The following RNF2 variants were observed in gnomAD, a reference collection of about 807,000 sequenced individuals.
The protein encoded by RNF2 is ring finger protein 2, also known as E3 ubiquitin-protein ligase RING2.
A neutral mutation model predicts 37.2 loss-of-function variants in RNF2; 6 were observed. The ratio of observed to expected loss-of-function variants is 0.16; its 90% CI spans 0.09 to 0.32. RNF2 has a LOEUF of 0.32. RNF2 is among the 10% of genes least tolerant of loss of function. The pLI, the probability that RNF2 is intolerant of heterozygous loss-of-function variation, is 1.00. For synonymous variants in RNF2, 133 were observed against 132.7 expected, an observed-to-expected ratio of 1.00 and a Z score of -0.02; for missense variants, 251 against 404.0, an observed-to-expected ratio of 0.62 and a Z score of 3.25.
intron 1 of RNF2, among the ~76,000 whole-genome samples, chr1:185,085,373 T>G (rs1208643830): frequency 6.6e-6 from 1 of 151,938 alleles, no homozygotes; most frequent in African/African-American, 2.4e-5. Context: ...CCTGACTTCA[T>G]GATCCGCCTG....
rs1212380479 is a variant in RNF2, at chr1:185,102,013, T to A, written c.*1712T>A. 5 of 152,560 alleles carry A rather than the reference T, an allele frequency of 3.3e-5. No individual in the cohort carries two copies. The highest frequency in any genetic ancestry group is 4.8e-5 in the African/African-American group (2 of 41,430). The allele number at this position is 152,560 out of a possible 1,614,324, so 9.5% of individuals were successfully genotyped here. A position where few individuals can be genotyped will look rare whatever the true frequency, so the allele number is the denominator to read the frequency against. On this transcript the variant is annotated 3_prime_UTR_variant, in exon 7 of 7. Coordinates refer to ENST00000367510, the MANE Select transcript of RNF2 (RefSeq NM_007212.4). ...GATAAAACTGCTTAGATTTTGTTGA[T>A]GACATTAGATTAGTAGTTGCATTAA...
At chr1:185,088,568 A>AT (rs398074482) in intron 2 of RNF2, among the ~76,000 whole-genome samples, 3 of 152,008 alleles carry the variant, frequency 2.0e-5, no homozygotes, top group Non-Finnish European at 4.4e-5. Flanking sequence ...AAAAAAAAAA[A>AT]AGCTAAAGGA....
chr1:185,069,661 A>G (rs148524493), intron 1 of RNF2, among the ~76,000 whole-genome samples: 5 of 152,260 alleles, frequency 3.3e-5, no homozygotes, highest in Non-Finnish European at 5.9e-5. Flanking sequence ...CAGTGTGCCT[A>G]GCCTATAATA....
In RNF2 at chr1:185,059,609, CATT is replaced by C. The variant is rs754565170; in HGVS notation, c.-3+13964_-3+13966del. Among the ~76,000 whole-genome samples, 321 of 152,250 alleles carry C rather than the reference CATT, an allele frequency of 2.1e-3. 1 individual carries two copies. The highest frequency in any genetic ancestry group is 3.2e-3 in the Non-Finnish European group (219 of 68,018). On this transcript the variant is annotated intron_variant, in intron 1 of 6. Coordinates refer to ENST00000367510, the MANE Select transcript of RNF2 (RefSeq NM_007212.4). ...GCAGCAGACATCTTCATGTTAATGG[CATT>C]ATTGTTGTAGTAGCAGTAGTAATAA...
At chr1:185,054,085 A>G (rs1650355820) in intron 1 of RNF2, among the ~76,000 whole-genome samples, 2 of 152,150 alleles carry the variant, frequency 1.3e-5, no homozygotes, top group Non-Finnish European at 2.9e-5. Context: ...CTTATTCTTT[A>G]TAACTAGTGT....
At chr1:185,068,833 G>T (rs1419819630) in intron 1 of RNF2, among the ~76,000 whole-genome samples, 2 of 152,140 alleles carry the variant, frequency 1.3e-5, no homozygotes, top group African/African-American at 2.4e-5. Flanking sequence ...TCCTTTTGGG[G>T]AGTATAATTT....
At chr1:185,049,598 G>A (rs1339318630) in intron 1 of RNF2, among the ~76,000 whole-genome samples, 2 of 149,802 alleles carry the variant, frequency 1.3e-5, no homozygotes, top group African/African-American at 4.9e-5. Flanking sequence ...CTAGGGTACA[G>A]TAGAGAAAAC....
At chr1:185,081,007 GA>G (rs1212982085) in intron 1 of RNF2, among the ~76,000 whole-genome samples, 3 of 152,154 alleles carry the variant, frequency 2.0e-5, no homozygotes, top group Non-Finnish European at 4.4e-5. Context: ...AATTCCTCCT[GA>G]GTAGTTTTGG....
chr1:185,100,028 T>C, intron 6 of RNF2, 66 bp downstream of exon 6: 1 of 1,446,194 alleles, frequency 6.9e-7, no homozygotes, highest in Non-Finnish European at 9.6e-7. Flanking sequence ...GAGTGGCAAG[T>C]GGTGGGGTAG....
intron 1 of RNF2, among the ~76,000 whole-genome samples, chr1:185,048,834 CT>C (rs36086867): frequency 6.6e-6 from 1 of 151,984 alleles, no homozygotes; most frequent in Non-Finnish European, 1.5e-5. Flanking sequence ...TTCAGCTAAG[CT>C]TTGGTGTTGG....
Position 185,089,174 on chromosome 1 carries a change from C to T in RNF2, c.87+1534C>T, listed in dbSNP as rs148383570. Among the ~76,000 whole-genome samples, 17 of 152,204 alleles carry T rather than the reference C, an allele frequency of 1.1e-4. No homozygotes were observed. In the East Asian group the frequency reaches 2.5e-3, roughly 22 times the overall value. ...TGCATGTGCAGTTCTCAATAGGGTTCGGACTCTTACGAGAGTCTAATGCCA... is the reference window on the plus strand; with the variant it reads ...TGCATGTGCAGTTCTCAATAGGGTTTGGACTCTTACGAGAGTCTAATGCCA... On this transcript the variant is annotated intron_variant, in intron 2 of 6. Transcript: ENST00000367510.
In RNF2 at chr1:185,091,716, C is replaced by T. The variant is rs1177620796; in HGVS notation, c.225C>T (p.Cys75=). The T allele has an allele frequency of 1.2e-6, 2 of 1,614,012 alleles. No homozygotes were observed. The highest frequency in any genetic ancestry group is 1.1e-5 in the South Asian group (1 of 91,062). ...KECLHRFCAD[C]IITALRSGNK... Reference sequence around the variant, plus strand: ...GTTTACATCGTTTTTGTGCAGACTGCATCATCACAGCCCTTAGAAGTGGGT... The same window carrying T: ...GTTTACATCGTTTTTGTGCAGACTGTATCATCACAGCCCTTAGAAGTGGGT... Residue 75 remains cysteine (C), a synonymous_variant, in exon 3 of 7, where the codon TGC becomes TGT. Transcript: ENST00000367510.
At chr1:185,088,765 A>G (rs1472479267) in intron 2 of RNF2, among the ~76,000 whole-genome samples, 1 of 152,206 alleles carries the variant, frequency 6.6e-6, no homozygotes. Context: ...ACAAAGTTCC[A>G]AAAACCAAAA....
intron 1 of RNF2, among the ~76,000 whole-genome samples, chr1:185,048,451 C>T (rs1571288116): frequency 6.6e-6 from 1 of 152,244 alleles, no homozygotes; most frequent in Non-Finnish European, 1.5e-5. Flanking sequence ...TTACTTCTCC[C>T]ATTTCATTTT....
intron 1 of RNF2, among the ~76,000 whole-genome samples, chr1:185,062,730 A>G (rs1056258378): frequency 2.0e-5 from 3 of 152,084 alleles, no homozygotes; most frequent in Non-Finnish European, 4.4e-5. Flanking sequence ...CAAAAGGTCA[A>G]TTTCCTTAAA....
intron 1 of RNF2, among the ~76,000 whole-genome samples, chr1:185,074,317 TC>T (rs1480270176): frequency 6.6e-6 from 1 of 152,266 alleles, no homozygotes; most frequent in East Asian, 1.9e-4. Context: ...TAGCTGGATC[TC>T]CAAACTCTTT....
intron 4 of RNF2, among the ~76,000 whole-genome samples, chr1:185,095,900 A>G (rs1557975235): frequency 6.6e-6 from 1 of 152,208 alleles, no homozygotes; most frequent in Non-Finnish European, 1.5e-5. Context: ...ATGACACTCA[A>G]GATTGGTGTC....
rs76287709 is a variant in RNF2 at position 185,096,604 on chromosome 1, T to C, written c.465-1468T>C. ...TTATTTACTGTTATTTATTTCTCTTTTTACTTGACTGTAGGCCACCAAGTT... is the reference window on the plus strand; with the variant it reads ...TTATTTACTGTTATTTATTTCTCTTCTTACTTGACTGTAGGCCACCAAGTT... On this transcript the variant is annotated intron_variant, in intron 4 of 6. Coordinates refer to ENST00000367510, the MANE Select transcript of RNF2 (RefSeq NM_007212.4). 5.5e-3 allele frequency among the ~76,000 whole-genome samples: 833 copies of C among 152,226 alleles called. 32 individuals are homozygous for C. The East Asian group carries it at 0.085, about 15-fold the overall frequency.
chr1:185,091,808 A>G (rs1651771171), intron 3 of RNF2, 69 bp downstream of exon 3: 1 of 1,425,070 alleles, frequency 7.0e-7, no homozygotes, highest in Non-Finnish European at 9.6e-7. Flanking sequence ...GGGTTTGAGA[A>G]ATACATTTTC....
Sources: gnomAD v4.1 joint callset for allele counts (sites outside exome capture counted in the v4.1 genomes callset) on GRCh38, gnomAD v4.1.1 for gene constraint, MANE v1.5 for transcripts, NCBI Gene and HGNC (gene_info 2026-07-23, HGNC 2026-07-21) for gene names.